DNAJC5B: variants seen among roughly 807,000 people sequenced by gnomAD.
DNAJC5B encodes DnaJ heat shock protein family (Hsp40) member C5 beta, also known as dnaJ homolog subfamily C member 5B.
In DNAJC5B, 23 loss-of-function variants were observed where a neutral mutation model predicts 24.7. The ratio of observed to expected loss-of-function variants is 0.93; its 90% CI spans 0.67 to 1.32. DNAJC5B has a LOEUF of 1.32. DNAJC5B is among the 40% of genes most tolerant of loss of function. The pLI is 0.00. For synonymous variants in DNAJC5B, 101 were observed against 90.1 expected (o/e 1.12, Z -0.68); for missense variants, 238 against 240.8 (o/e 0.99, Z 0.08).
chr8:66,094,826 A>T (rs1807916732), intron 5 of DNAJC5B, among the ~76,000 whole-genome samples: 1 of 151,908 alleles, frequency 6.6e-6, no homozygotes, highest in Non-Finnish European at 1.5e-5. Flanking sequence ...ACGGATGTAA[A>T]ATTTTTTCAA....
intron 1 of DNAJC5B, among the ~76,000 whole-genome samples, chr8:66,027,088 C>G (rs1806261946): frequency 6.6e-6 from 1 of 152,192 alleles, no homozygotes; most frequent in Non-Finnish European, 1.5e-5. Flanking sequence ...TTAATTGTGT[C>G]TCCTACTGAA....
intron 3 of DNAJC5B, among the ~76,000 whole-genome samples, chr8:66,055,072 A>T (rs1278748827): frequency 6.6e-6 from 1 of 152,204 alleles, no homozygotes; most frequent in African/African-American, 2.4e-5. Flanking sequence ...ATTTCAGGTC[A>T]TATGTTAATT....
At chr8:66,045,598 TAGAGAAGCAAAGGCCTGGGGC>T in intron 2 of DNAJC5B, among the ~76,000 whole-genome samples, 1 of 150,980 alleles carries the variant, frequency 6.6e-6, no homozygotes, top group Admixed American at 6.6e-5. Flanking sequence ...AAAGGGAGGG[TAGAGAAGCAAAGGCCTGGGGC>T]AGAGAAAGAC....
intron 3 of DNAJC5B, among the ~76,000 whole-genome samples, chr8:66,060,749 C>T (rs1365540912): frequency 2.6e-5 from 4 of 152,152 alleles, no homozygotes; most frequent in Non-Finnish European, 4.4e-5. Flanking sequence ...ACGTAGCAAC[C>T]ACCAGTATGT....
chr8:66,069,677 G>A (rs967544532), intron 3 of DNAJC5B, among the ~76,000 whole-genome samples: 3 of 152,042 alleles, frequency 2.0e-5, no homozygotes, highest in Non-Finnish European at 4.4e-5. Context: ...CCAAACAATA[G>A]AAAAAGAGGG....
chr8:66,063,971 A>C (rs6472244), intron 3 of DNAJC5B, among the ~76,000 whole-genome samples: 12,723 of 152,198 alleles, frequency 0.084, 876 homozygotes, highest in African/African-American at 0.18. Flanking sequence ...AATGCTGGCC[A>C]GCAGAGAAAC....
rs957818248 is a variant in DNAJC5B, at chr8:66,101,217, G to C, written c.*1186G>C. Among the ~76,000 whole-genome samples, 1 of 152,144 alleles carries C rather than the reference G, an allele frequency of 6.6e-6. No homozygotes were observed. Among genetic ancestry groups the C allele is most frequent in the African/African-American group, 2.4e-5 (1 of 41,434 alleles). ...GAGAATTAGTGTTATAGCTCTGATAGTTCTGAGGTCATTAAAATTCCACTC... is the reference window on the plus strand; with the variant it reads ...GAGAATTAGTGTTATAGCTCTGATACTTCTGAGGTCATTAAAATTCCACTC... On this transcript the variant is annotated 3_prime_UTR_variant, in exon 6 of 6. Coordinates refer to ENST00000276570, the MANE Select transcript of DNAJC5B (RefSeq NM_033105.6).
chr8:66,099,873 T>C, intron 5 of DNAJC5B, 64 bp from the exon 6 acceptor site: 2 of 1,439,716 alleles, frequency 1.4e-6, no homozygotes, highest in Non-Finnish European at 1.9e-6. Flanking sequence ...TACCTATCAC[T>C]TGCTTCATTA....
intron 5 of DNAJC5B, among the ~76,000 whole-genome samples, chr8:66,096,700 T>C (rs1807960962): frequency 6.6e-6 from 1 of 152,166 alleles, no homozygotes. Flanking sequence ...TTCTTCCCAC[T>C]AGTGTTTGTG....
chr8:66,079,632 C>A (rs1223131610), intron 4 of DNAJC5B, among the ~76,000 whole-genome samples: 2 of 152,264 alleles, frequency 1.3e-5, no homozygotes, highest in East Asian at 3.9e-4. Flanking sequence ...GAGGCATTGG[C>A]AGAGCCAGAT....
chr8:66,045,065 A>G (rs947340579), intron 2 of DNAJC5B, among the ~76,000 whole-genome samples: 1 of 152,252 alleles, frequency 6.6e-6, no homozygotes, highest in Admixed American at 6.5e-5. Context: ...ACTAAATATC[A>G]TAGAAATCAA....
At chr8:66,078,820 C>T (rs1807528834) in intron 4 of DNAJC5B, among the ~76,000 whole-genome samples, 2 of 152,134 alleles carry the variant, frequency 1.3e-5, no homozygotes, top group African/African-American at 2.4e-5. Context: ...CCACCTCAAA[C>T]CTGGGGCCAG....
chr8:66,089,253 C>T (rs1807794369), intron 5 of DNAJC5B, among the ~76,000 whole-genome samples: 3 of 152,260 alleles, frequency 2.0e-5, no homozygotes, highest in South Asian at 4.1e-4. Context: ...TGTAATAACT[C>T]ACTATCAAGA....
At chr8:66,085,456 A>C (rs1807701413) in intron 5 of DNAJC5B, among the ~76,000 whole-genome samples, 1 of 151,462 alleles carries the variant, frequency 6.6e-6, no homozygotes, top group Non-Finnish European at 1.5e-5. Flanking sequence ...ATAAAAATAA[A>C]AATAAATCCG....
chr8:66,073,049 G>T (rs1478018838), intron 3 of DNAJC5B, among the ~76,000 whole-genome samples: 1 of 151,952 alleles, frequency 6.6e-6, no homozygotes, highest in Non-Finnish European at 1.5e-5. Flanking sequence ...TACAATAAGG[G>T]AAGAAATGTA....
intron 3 of DNAJC5B, among the ~76,000 whole-genome samples, chr8:66,063,467 A>G (rs553635303): frequency 3.7e-4 from 56 of 152,342 alleles, no homozygotes; most frequent in Admixed American, 1.8e-3. Context: ...AGATTAATTG[A>G]CATTAATCTC....
At chr8:66,080,350 C>T (rs1198756979) in intron 4 of DNAJC5B, 27 bp from the exon 5 acceptor site, 3 of 1,599,626 alleles carry the variant, frequency 1.9e-6, no homozygotes, top group African/African-American at 1.3e-5. Context: ...CCCTCATCCT[C>T]ATTTTGCTTT....
chr8:66,069,646 AC>A (rs2128962661), intron 3 of DNAJC5B, among the ~76,000 whole-genome samples: 1 of 152,374 alleles, frequency 6.6e-6, no homozygotes, highest in East Asian at 1.9e-4. Context: ...AGGAGCTGGT[AC>A]CATTCCTTCT....
chr8:66,058,889 G>T (rs572495387), intron 3 of DNAJC5B, among the ~76,000 whole-genome samples: 3 of 152,188 alleles, frequency 2.0e-5, no homozygotes, highest in Non-Finnish European at 4.4e-5. Flanking sequence ...TTTGTGAAGA[G>T]AAATGAGATC....
Sources: allele counts gnomAD v4.1 joint callset (sites outside exome capture counted in the v4.1 genomes callset), GRCh38; gene constraint gnomAD v4.1.1; transcripts MANE v1.5; gene names NCBI Gene and HGNC (gene_info 2026-07-23, HGNC 2026-07-21).